Variants in CLIC5 observed in about 807,000 individuals in gnomAD.
CLIC5 encodes the protein CLIC family member 5, also known as chloride intracellular channel protein 5.
Under a neutral mutation model 24.7 loss-of-function variants are expected in CLIC5, and 20 were observed. The ratio of observed to expected loss-of-function variants is 0.81; its 90% confidence interval spans 0.57 to 1.18. CLIC5 has a LOEUF of 1.18. Among genes scored for constraint, CLIC5 ranks in the 50% most tolerant of loss-of-function variants. The pLI is 0.00. For missense variants in CLIC5, 341 were observed against 326.1 expected (o/e 1.05, Z -0.35); for synonymous variants, 159 against 135.6 (o/e 1.17, Z -1.20).
At chr6:46,049,614 C>A (rs576820263) in intron 1 of CLIC5, among the ~76,000 whole-genome samples, 2 of 152,256 alleles carry the variant, frequency 1.3e-5, no homozygotes, top group African/African-American at 2.4e-5. Context: ...ACCTTCAGAT[C>A]CAGGCAAGAG....
At chr6:46,125,431 T>C in the CLIC5 span, among the ~76,000 whole-genome samples, 1 of 151,400 alleles carries the variant, frequency 6.6e-6, no homozygotes, top group Non-Finnish European at 1.5e-5. Flanking sequence ...TGTTGTGGGG[T>C]GGGAGGAGAG....
At chr6:45,926,672 T>G (rs1212990862) in intron 4 of CLIC5, among the ~76,000 whole-genome samples, 1 of 152,136 alleles carries the variant, frequency 6.6e-6, no homozygotes, top group East Asian at 1.9e-4. Context: ...AATTTAGCCT[T>G]CTGTGTTTTC....
intron 5 of CLIC5, among the ~76,000 whole-genome samples, chr6:45,906,288 C>A (rs531656930): frequency 5.5e-4 from 84 of 152,238 alleles, no homozygotes; most frequent in African/African-American, 2.0e-3. Flanking sequence ...ATTGAATCTG[C>A]ATATTGCTTT....
At chr6:46,079,718 A>G (rs1762872840) in exon 1 of CLIC5, 2 of 1,551,162 alleles carry the variant, frequency 1.3e-6, no homozygotes, top group Non-Finnish European at 1.7e-6. Context: ...CAAAGAGGTA[A>G]ATCTCAGGGT....
chr6:46,084,289 T>C (rs1006477737), upstream of CLIC5, among the ~76,000 whole-genome samples: 2 of 151,998 alleles, frequency 1.3e-5, no homozygotes, highest in Non-Finnish European at 2.9e-5. Context: ...AAAGTTAATA[T>C]TGTTATGTGT....
chr6:46,043,749 G>GT (rs1767879654), intron 1 of CLIC5, among the ~76,000 whole-genome samples: 1 of 151,546 alleles, frequency 6.6e-6, no homozygotes, highest in Admixed American at 6.6e-5. Context: ...CTTCCTGAGG[G>GT]CAGCTCATGC....
At chr6:46,097,800 G>C in the CLIC5 span, among the ~76,000 whole-genome samples, 5 of 152,158 alleles carry the variant, frequency 3.3e-5, no homozygotes, top group Non-Finnish European at 5.9e-5. Context: ...AGTACCTTCT[G>C]TTATAATTTA....
At chr6:45,972,871 C>A (rs1446136923) in intron 1 of CLIC5, among the ~76,000 whole-genome samples, 1 of 152,114 alleles carries the variant, frequency 6.6e-6, no homozygotes, top group African/African-American at 2.4e-5. Flanking sequence ...TCACATAATT[C>A]TTGGTTAGGA....
At chr6:46,110,988 A>C in the CLIC5 span, among the ~76,000 whole-genome samples, 4 of 152,206 alleles carry the variant, frequency 2.6e-5, no homozygotes, top group Non-Finnish European at 4.4e-5. Context: ...GGAGAGAAAA[A>C]ATTATGTTTG....
intron 4 of CLIC5, chr6:45,934,350 A>AGAAAG (rs1763854680): frequency 6.6e-6 from 1 of 152,160 alleles, no homozygotes; most frequent in African/African-American, 2.4e-5. Context: ...AGTGGAGTAT[A>AGAAAG]AATTTTAAAA....
In CLIC5 at chr6:45,955,820, C is replaced by T. The variant is rs545397934; in HGVS notation, c.64-576G>A. Among the ~76,000 whole-genome samples, 9 of 151,478 alleles carry T rather than the reference C, an allele frequency of 5.9e-5. No homozygotes were observed. The South Asian group carries it at 1.9e-3, about 32-fold the overall frequency. On this transcript the variant is annotated intron_variant, in intron 1 of 5. Transcript: ENST00000339561. ...CCCTATATGGAGGCTAATCAGGAAGCTCAAGGCTTTAATCAATACACCACT... is the reference window on the plus strand; with the variant it reads ...CCCTATATGGAGGCTAATCAGGAAGTTCAAGGCTTTAATCAATACACCACT...
intron 1 of CLIC5, among the ~76,000 whole-genome samples, chr6:45,985,244 G>A (rs1440612308): frequency 3.9e-5 from 6 of 152,180 alleles, no homozygotes. Flanking sequence ...GTGAGGTAGG[G>A]AGTGGTAAGA....
the CLIC5 span, among the ~76,000 whole-genome samples, chr6:46,112,506 G>A: frequency 3.3e-5 from 5 of 152,014 alleles, no homozygotes; most frequent in African/African-American, 7.2e-5. Flanking sequence ...GAATGCCTTT[G>A]GGGGGGTAAT....
At chr6:45,955,308 G>T (rs147607439) in intron 1 of CLIC5, 64 bp from the exon 2 acceptor site, 1 of 1,184,168 alleles carries the variant, frequency 8.4e-7, no homozygotes, top group Non-Finnish European at 1.2e-6. Context: ...ACATAAGATT[G>T]TAACACCCAA....
intron 1 of CLIC5, among the ~76,000 whole-genome samples, chr6:46,029,882 A>G (rs1285308328): frequency 6.6e-6 from 1 of 152,158 alleles, no homozygotes; most frequent in Non-Finnish European, 1.5e-5. Context: ...TGCTCCTGTT[A>G]GGGATTAAAA....
chr6:46,070,606 G>A (rs902032107), intron 1 of CLIC5, among the ~76,000 whole-genome samples: 1 of 152,030 alleles, frequency 6.6e-6, no homozygotes, highest in South Asian at 2.1e-4. Flanking sequence ...TTCCATGCTT[G>A]TGTACAAGGA....
intron 6 of CLIC5, among the ~76,000 whole-genome samples, chr6:45,890,974 G>C (rs1455552438): frequency 6.6e-6 from 1 of 152,150 alleles, no homozygotes; most frequent in Non-Finnish European, 1.5e-5. Flanking sequence ...CACGGTTACA[G>C]ATAAATAGAA....
At chr6:45,882,256 C>A (rs1762270326) in intron 6 of CLIC5, among the ~76,000 whole-genome samples, 1 of 152,226 alleles carries the variant, frequency 6.6e-6, no homozygotes, top group African/African-American at 2.4e-5. Context: ...ACCCTTCATC[C>A]ACAGCAACCC....
intron 3 of CLIC5, 35 bp downstream of exon 3, chr6:45,949,221 C>G (rs749288097): frequency 6.2e-7 from 1 of 1,602,098 alleles, no homozygotes; most frequent in Admixed American, 1.7e-5. Flanking sequence ...TGAACCCTTC[C>G]CATTCAACAG....
Sources: allele counts gnomAD v4.1 joint callset (sites outside exome capture counted in the v4.1 genomes callset), GRCh38; gene constraint gnomAD v4.1.1; transcripts MANE v1.5; gene names NCBI Gene and HGNC (gene_info 2026-07-23, HGNC 2026-07-21).